The following SLIT2 variants were observed in gnomAD, a reference collection of about 807,000 sequenced individuals.
SLIT2 encodes slit guidance ligand 2.
SLIT2 carries 41 observed loss-of-function variants against 185.7 expected under a neutral mutation model. That is an observed-to-expected ratio of 0.22 (90% CI 0.17 to 0.29). SLIT2 has a LOEUF of 0.29. Among genes scored for constraint, SLIT2 ranks in the 10% least tolerant of loss-of-function variants. The probability of loss-of-function intolerance (pLI) is 1.00; values close to 1 mark genes in which losing one functional copy is unlikely to be tolerated. For missense variants in SLIT2, 1,571 were observed against 1,909.0 expected, an observed-to-expected ratio of 0.82 and a Z score of 3.30; for synonymous variants, 693 against 680.2, an observed-to-expected ratio of 1.02 and a Z score of -0.29.
At chr4:20,425,943 T>C (rs886991478) in intron 4 of SLIT2, among the ~76,000 whole-genome samples, 2 of 152,200 alleles carry the variant, frequency 1.3e-5, no homozygotes, top group East Asian at 3.8e-4. Context: ...TTCAAGACTC[T>C]TCTGTGCTAT....
intron 4 of SLIT2, among the ~76,000 whole-genome samples, chr4:20,447,096 G>A (rs1711895200): frequency 6.6e-6 from 1 of 152,162 alleles, no homozygotes; most frequent in Non-Finnish European, 1.5e-5. Context: ...GCAGAAGGGA[G>A]AGCGATTCTT....
intron 4 of SLIT2, among the ~76,000 whole-genome samples, chr4:20,302,795 T>C (rs1717178408): frequency 6.6e-6 from 1 of 152,222 alleles, no homozygotes. Context: ...AGCAAACGTT[T>C]ATCATCCAAT....
chr4:20,613,542 A>G (rs1412402238), intron 34 of SLIT2, among the ~76,000 whole-genome samples: 1 of 152,080 alleles, frequency 6.6e-6, no homozygotes, highest in Non-Finnish European at 1.5e-5. Flanking sequence ...GACCAGGAAA[A>G]ATCACTAATG....
At chr4:20,424,232 A>G (rs886585808) in intron 4 of SLIT2, among the ~76,000 whole-genome samples, 23 of 152,154 alleles carry the variant, frequency 1.5e-4, no homozygotes, top group African/African-American at 5.3e-4. Context: ...TATCAATTTC[A>G]AAGCACCTTA....
chr4:20,255,041 G>A (rs556002284), intron 1 of SLIT2: 66 of 456,270 alleles, frequency 1.4e-4, no homozygotes, highest in Admixed American at 1.2e-3. Context: ...TGTGAACGCC[G>A]AGGCCGCCGC....
chr4:20,534,030 G>A (rs570493711), intron 18 of SLIT2, among the ~76,000 whole-genome samples: 2 of 152,192 alleles, frequency 1.3e-5, no homozygotes, highest in East Asian at 1.9e-4. Context: ...GATCAGGAGC[G>A]TCCCCCATGG....
intron 4 of SLIT2, among the ~76,000 whole-genome samples, chr4:20,342,248 T>C (rs1329648395): frequency 6.6e-6 from 1 of 152,176 alleles, no homozygotes; most frequent in Non-Finnish European, 1.5e-5. Context: ...CCAAGTATGG[T>C]TGATGATGCA....
chr4:20,582,894 T>A (rs1207959116), intron 29 of SLIT2, among the ~76,000 whole-genome samples: 1 of 152,190 alleles, frequency 6.6e-6, no homozygotes, highest in East Asian at 1.9e-4. Context: ...ATAACTGAGA[T>A]GGCTCATAAG....
chr4:20,343,744 C>G (rs1458875912), intron 4 of SLIT2, among the ~76,000 whole-genome samples: 1 of 149,140 alleles, frequency 6.7e-6, no homozygotes, highest in African/African-American at 2.5e-5. Flanking sequence ...TAGGCTCAAG[C>G]TACCCTCCCT....
At position 20,264,987 on chromosome 4, in the gene SLIT2, A is replaced by G. The variant is rs78451787; in HGVS notation, c.324-3823A>G. ...TCTGTGCTCTCAACAATGATAATTG[A>G]CTCACCTGGTCTGTTTAACAAAGCT... On this transcript the variant is annotated intron_variant, in intron 3 of 36. Transcript: ENST00000504154. 7.8e-3 allele frequency among the ~76,000 whole-genome samples: 1,190 copies of G among 152,004 alleles called. 14 individuals carry two copies. The highest frequency in any genetic ancestry group is 0.041 in the Middle Eastern group (12 of 294).
chr4:20,539,704 G>A (rs35317501), intron 19 of SLIT2, 120 bp downstream of exon 19: 132,190 of 598,906 alleles, frequency 0.22, 16,044 homozygotes, highest in Middle Eastern at 0.31. Context: ...ACTTAAAAAA[G>A]GACAAACTTG....
chr4:20,544,619 T>C lies in SLIT2; in HGVS notation c.2277-1412T>C, dbSNP rs149274362. Among the ~76,000 whole-genome samples the C allele has an allele frequency of 7.2e-3, 1,101 of 152,268 alleles. 11 individuals carry two copies. The highest frequency in any genetic ancestry group is 0.025 in the African/African-American group (1,043 of 41,562). ...CTTACCAAGTCAGCAGAATCCTTCT[T>C]AGCAGTAACATATATGCATGTATTA... On this transcript the variant is annotated intron_variant, in intron 21 of 36. Coordinates refer to ENST00000504154, the MANE Select transcript of SLIT2 (RefSeq NM_004787.4).
At chr4:20,594,031 T>C (rs1727735125) in intron 30 of SLIT2, among the ~76,000 whole-genome samples, 1 of 148,254 alleles carries the variant, frequency 6.7e-6, no homozygotes, top group African/African-American at 2.5e-5. Flanking sequence ...TGTATATATG[T>C]GTATATATGT....
intron 12 of SLIT2, among the ~76,000 whole-genome samples, chr4:20,520,406 T>C (rs981068027): frequency 6.6e-6 from 1 of 152,188 alleles, no homozygotes; most frequent in Non-Finnish European, 1.5e-5. Context: ...AGGACCTCAT[T>C]TGGGGCACAC....
In SLIT2 at chr4:20,451,424, T is replaced by C. The variant is rs371186652; in HGVS notation, c.396-16328T>C. On this transcript the variant is annotated intron_variant, in intron 4 of 36. Coordinates refer to ENST00000504154, the MANE Select transcript of SLIT2 (RefSeq NM_004787.4). The stretch of plus-strand genomic sequence containing the variant: ...TTCCAGCTAATGCAGCTAAAAGGAA[T>C]GCTATAAGTCAGAAAAGGCTATATT... Among the ~76,000 whole-genome samples, 3 of 152,328 alleles carry C rather than the reference T, an allele frequency of 2.0e-5. No homozygotes were observed. The East Asian group carries it at 5.8e-4, about 29-fold the overall frequency.
At chr4:20,314,004 C>A (rs1718360193) in intron 4 of SLIT2, among the ~76,000 whole-genome samples, 1 of 152,136 alleles carries the variant, frequency 6.6e-6, no homozygotes, top group African/African-American at 2.4e-5. Flanking sequence ...CTTATGACTG[C>A]AAATTGTATA....
chr4:20,574,237 A>G (rs1725876310), intron 29 of SLIT2, among the ~76,000 whole-genome samples: 1 of 152,062 alleles, frequency 6.6e-6, no homozygotes, highest in Non-Finnish European at 1.5e-5. Flanking sequence ...TACAGGTGTG[A>G]GCCACCACAC....
chr4:20,560,493 C>T (rs1724608392), intron 26 of SLIT2, among the ~76,000 whole-genome samples: 1 of 151,834 alleles, frequency 6.6e-6, no homozygotes, highest in East Asian at 1.9e-4. Context: ...CATGACTTGT[C>T]TTTATAACCC....
At chr4:20,554,857 G>A (rs150793975) in intron 26 of SLIT2, among the ~76,000 whole-genome samples, 4,051 of 151,610 alleles carry the variant, frequency 0.027, 193 homozygotes, top group African/African-American at 0.084. Context: ...TCCACCTCCC[G>A]GGTCCCGGCT....
Sources: allele counts gnomAD v4.1 joint callset (sites outside exome capture counted in the v4.1 genomes callset), GRCh38; gene constraint gnomAD v4.1.1; transcripts MANE v1.5; gene names NCBI Gene and HGNC (gene_info 2026-07-23, HGNC 2026-07-21).